The following TTBK1 variants were observed in gnomAD, a reference collection of about 807,000 sequenced individuals.
The protein encoded by TTBK1 is tau tubulin kinase 1, also known as tau-tubulin kinase 1.
TTBK1 carries 34 observed loss-of-function variants against 108.5 expected under a neutral mutation model. The ratio of observed to expected loss-of-function variants is 0.31; its 90% CI spans 0.24 to 0.42. The LOEUF is 0.42. TTBK1 is among the 10% of genes least tolerant of loss of function. TTBK1 has a pLI of 1.00. For missense variants in TTBK1, 1,539 were observed against 1,826.0 expected (o/e 0.84, Z 2.86); for synonymous variants, 809 against 795.1 (o/e 1.02, Z -0.29).
intron 1 of TTBK1, 149 bp from the exon 2 acceptor site, chr6:43,246,458 T>A (rs1042599821): frequency 1.4e-5 from 7 of 500,050 alleles, no homozygotes; most frequent in Admixed American, 3.7e-5. Flanking sequence ...GCACTGGCCT[T>A]TATACAATCT....
At chr6:43,244,312 C>A (rs1395279812) in intron 1 of TTBK1, among the ~76,000 whole-genome samples, 1 of 152,160 alleles carries the variant, frequency 6.6e-6, no homozygotes, top group African/African-American at 2.4e-5. Context: ...CAGATTCTCA[C>A]ACACACCTGC....
rs1777890933 is a variant in TTBK1, at chr6:43,273,679, ACAGGGGAACTCC to A, written c.1987-9045_1987-9034del. ...GTGGCAGGTTCAGGGACTGTGGTAA[ACAGGGGAACTCC>A]CATGCCCATACCATCCTCAGCTCAA... is the stretch of plus-strand genomic sequence containing the variant. On this transcript the variant is annotated intron_variant, in intron 13 of 14. Coordinates refer to ENST00000259750, the MANE Select transcript of TTBK1 (RefSeq NM_032538.3). The surrounding 1 kb of genome is among the most constrained non-coding windows in gnomAD (Gnocchi z 4.2). 6.6e-6 allele frequency among the ~76,000 whole-genome samples: 1 copy of A among 152,212 alleles called. No homozygotes were observed. Among genetic ancestry groups the A allele is most frequent in the South Asian group, 2.1e-4 (1 of 4,824 alleles).
At position 43,284,068 on chromosome 6, in the gene TTBK1, T is replaced by G. The variant is rs1483485042; in HGVS notation, c.3328T>G (p.Ser1110Ala). 1 of 1,539,160 alleles carries G rather than the reference T, an allele frequency of 6.5e-7. No individual in the cohort carries two copies. Among genetic ancestry groups the G allele is most frequent in the Non-Finnish European group, 8.8e-7 (1 of 1,141,828 alleles). ...GCTGTTGCGGCTGGCCTCAGGGGCC[T>G]CGTCCTCCTCCAGTGAGGAGCAGCG... ...RLLLRLASGA[S>A]SSSSEEQRRA... The change falls in exon 14 of 15, where the codon TCG becomes GCG. Residue 1110 changes from serine (S) to alanine (A), a missense_variant. Physicochemically the swap from Ser to Ala is moderately conservative, Grantham distance 99. Transcript: ENST00000259750.
At chr6:43,251,604 C>T (rs777263589) in intron 2 of TTBK1, among the ~76,000 whole-genome samples, 6 of 152,226 alleles carry the variant, frequency 3.9e-5, no homozygotes, top group Non-Finnish European at 5.9e-5. Flanking sequence ...GAGCCCCTCC[C>T]CAGAACTCAG....
chr6:43,255,767 C>T lies in TTBK1; in HGVS notation c.772C>T (p.Arg258Trp), dbSNP rs373096251. ...GATGATCAAGGAGAAGTATGAGCAC[C>T]GGATGCTGCTGAAGCACATGCCGTC... ...VGMIKEKYEH[R>W]MLLKHMPSEF... is the part of the protein sequence containing the mutation. Residue 258 changes from arginine (R) to tryptophan (W), a missense_variant, in exon 9 of 15, where the codon CGG (arginine) becomes TGG (tryptophan). This residue lies in a region of TTBK1 where 155 missense variants were observed against 348.5 expected (regional missense o/e 0.44). Transcript: ENST00000259750. 7.4e-6 allele frequency: 12 copies of T among 1,614,000 alleles called. No individual in the cohort carries two copies. Among genetic ancestry groups the T allele is most frequent in the Admixed American group, 3.3e-5 (2 of 59,998 alleles).
In TTBK1 at chr6:43,284,361, C is replaced by G. The variant is rs746272513; in HGVS notation, c.3572+49C>G. The G allele has an allele frequency of 1.1e-4, 157 of 1,433,998 alleles. No homozygotes were observed. The Admixed American group carries it at 1.7e-3, about 15-fold the overall frequency. The allele number at this position is 1,433,998 out of a possible 1,614,324, so 88.8% of individuals were successfully genotyped here. On this transcript the variant is annotated intron_variant, in intron 14 of 14. Coordinates refer to ENST00000259750, the MANE Select transcript of TTBK1 (RefSeq NM_032538.3). ...GGGTGGGCAGAGGGTGGCCACAGGCCTCCACCAGGAGGGGCTTCTCCAGAA... is the reference window on the plus strand; with the variant it reads ...GGGTGGGCAGAGGGTGGCCACAGGCGTCCACCAGGAGGGGCTTCTCCAGAA...
chr6:43,260,468 T>G (rs1262808877), intron 12 of TTBK1, among the ~76,000 whole-genome samples: 3 of 152,188 alleles, frequency 2.0e-5, no homozygotes, highest in African/African-American at 7.2e-5. Context: ...GACCCAGTCC[T>G]GGGGATAGGA....
At chr6:43,270,794 G>A (rs1380504705) in intron 13 of TTBK1, 2 of 985,330 alleles carry the variant, frequency 2.0e-6, no homozygotes, top group Admixed American at 6.2e-5. Flanking sequence ...TAGAAGCAGT[G>A]GCAGCTAAGG....
intron 12 of TTBK1, among the ~76,000 whole-genome samples, chr6:43,261,577 G>A (rs547939068): frequency 6.6e-6 from 1 of 152,232 alleles, no homozygotes; most frequent in Non-Finnish European, 1.5e-5. Flanking sequence ...CACTTTGGGA[G>A]GCCAAGGTGG....
chr6:43,283,285 G>C lies in TTBK1; in HGVS notation c.2545G>C (p.Val849Leu). ...TCCTGGCGACATGAAGAAGTCGCCC[G>C]TCACTGCCGAACTGGCCCCCGACCC... The part of the protein sequence containing the change: ...VSPGDMKKSP[V>L]TAELAPDPDL... The change falls in exon 14 of 15, where the codon GTC (valine) becomes CTC (leucine). Residue 849 changes from valine to leucine, a missense_variant. Around this residue, in one of 5 missense-constraint regions of TTBK1, gnomAD observed 1,055 missense variants for 1,086.5 expected, o/e 0.97. Coordinates refer to ENST00000259750, the MANE Select transcript of TTBK1 (RefSeq NM_032538.3). The surrounding 1 kb of genome is among the most constrained non-coding windows in gnomAD (Gnocchi z 8.1). The C allele has an allele frequency of 1.3e-6, 2 of 1,566,176 alleles. No individual in the cohort carries two copies. The highest frequency in any genetic ancestry group is 2.3e-5 in the South Asian group (2 of 85,482).
Position 43,285,501 on chromosome 6 carries a change from T to C in TTBK1, c.*125T>C. 1 of 1,189,782 alleles carries C rather than the reference T, an allele frequency of 8.4e-7. No individual in the cohort carries two copies. Among genetic ancestry groups the C allele is most frequent in the Non-Finnish European group, 1.0e-6 (1 of 953,494 alleles). The allele number at this position is 1,189,782 out of a possible 1,614,324, so 73.7% of individuals were successfully genotyped here. On this transcript the variant is annotated 3_prime_UTR_variant, in exon 15 of 15. Coordinates refer to ENST00000259750, the MANE Select transcript of TTBK1 (RefSeq NM_032538.3). The surrounding 1 kb of genome is among the most constrained non-coding windows in gnomAD (Gnocchi z 4.7). Reference sequence around the variant, plus strand: ...CGCGCGCCACCCGCGGCCCCAGCTTTCCGCCTGCACCCGCGAGGACGCGCG... The same window carrying C: ...CGCGCGCCACCCGCGGCCCCAGCTTCCCGCCTGCACCCGCGAGGACGCGCG...
At chr6:43,255,281 C>A (rs1777354408) in intron 7 of TTBK1, among the ~76,000 whole-genome samples, 167 bp downstream of exon 7, 1 of 151,976 alleles carries the variant, frequency 6.6e-6, no homozygotes, top group South Asian at 2.1e-4. Flanking sequence ...GACTCAGTGT[C>A]CCCTTCCTCA....
Position 43,259,272 on chromosome 6 carries a change from A to G in TTBK1, c.1248+3A>G, listed in dbSNP as rs1777463537. ...AACTCCGGATCAACATCGGCAAAGT[A>G]ACTGCCGCCAGGGCGAAGGGCGTGG... is the stretch of plus-strand genomic sequence containing the variant. On this transcript the variant is annotated splice_donor_region_variant and intron_variant, in intron 11 of 14. Transcript: ENST00000259750. This position sits in a 1 kb window ranked among gnomAD's most constrained non-coding sequence, Gnocchi z 6.7. 6.5e-7 allele frequency: 1 copy of G among 1,545,170 alleles called. No homozygotes were observed. Among genetic ancestry groups the G allele is most frequent in the Non-Finnish European group, 8.7e-7 (1 of 1,146,216 alleles).
At position 43,259,637 on chromosome 6, in the gene TTBK1, G is replaced by A. The variant is rs533945810; in HGVS notation, c.1355G>A (p.Arg452Gln). The A allele has an allele frequency of 4.2e-5, 68 of 1,609,944 alleles. No individual in the cohort carries two copies. The highest frequency in any genetic ancestry group is 5.6e-5 in the Non-Finnish European group (66 of 1,178,466). ...PTTPVRSLRY[R>Q]RVNSPESERL... ...ACCCCAGTCCGTTCTCTGCGCTACC[G>A]GAGGGTGAACAGCCCTGAGTCAGAA... The change falls in exon 12 of 15, where the codon CGG (arginine) becomes CAG (glutamine). Residue 452 changes from arginine (R) to glutamine (Q), a missense_variant. Coordinates refer to ENST00000259750, the MANE Select transcript of TTBK1 (RefSeq NM_032538.3). The surrounding 1 kb of genome is among the most constrained non-coding windows in gnomAD (Gnocchi z 6.7).
chr6:43,262,399 C>T (rs1777564420), intron 12 of TTBK1, among the ~76,000 whole-genome samples: 1 of 152,148 alleles, frequency 6.6e-6, no homozygotes. Flanking sequence ...GAAGCAGCCA[C>T]TGGCGGGTGT....
intron 2 of TTBK1, among the ~76,000 whole-genome samples, chr6:43,252,368 G>C (rs1233391681): frequency 1.3e-5 from 2 of 152,056 alleles, no homozygotes; most frequent in Non-Finnish European, 2.9e-5. Flanking sequence ...GCTCATGCCT[G>C]TAATCCCAGC....
rs1777769948 is a variant in TTBK1 at position 43,269,577 on chromosome 6, C to T, written c.1986+6227C>T. ...AGGGGCTGTGAGCGGTGGGTGGCCC[C>T]GGAGACGGAGCTGTCGAGTCTGTGC... On this transcript the variant is annotated intron_variant, in intron 13 of 14. Transcript: ENST00000259750. The surrounding 1 kb of genome is among the most constrained non-coding windows in gnomAD (Gnocchi z 4.8). 6.7e-7 allele frequency: 1 copy of T among 1,486,722 alleles called. No individual in the cohort carries two copies. Among genetic ancestry groups the T allele is most frequent in the African/African-American group, 1.4e-5 (1 of 70,398 alleles). 92.1% of individuals were successfully genotyped at this position (1,486,722 alleles called of 1,614,324 possible).
chr6:43,263,205 A>G lies in TTBK1; in HGVS notation c.1841A>G (p.Gln614Arg). The part of the protein sequence containing the change: ...AEEDLQHLPP[Q>R]PLPPQLSQGD... ...GAGGACCTGCAGCATTTGCCGCCCC[A>G]GCCCCTGCCACCCCAGCTGAGCCAG... Residue 614 changes from glutamine to arginine, a missense_variant, in exon 13 of 15, where the codon CAG (glutamine) becomes CGG (arginine). This residue lies in a region of TTBK1 where 1,055 missense variants were observed against 1,086.5 expected (regional missense o/e 0.97). Coordinates refer to ENST00000259750, the MANE Select transcript of TTBK1 (RefSeq NM_032538.3). This position sits in a 1 kb window ranked among gnomAD's most constrained non-coding sequence, Gnocchi z 4.7. The G allele has an allele frequency of 1.9e-6, 3 of 1,579,762 alleles. No individual in the cohort carries two copies. The highest frequency in any genetic ancestry group is 2.6e-6 in the Non-Finnish European group (3 of 1,162,676).
In TTBK1 at chr6:43,253,797, A is replaced by G. The variant is rs187976440; in HGVS notation, c.471+89A>G. On this transcript the variant is annotated intron_variant, in intron 5 of 14. Transcript: ENST00000259750. The surrounding 1 kb of genome is among the most constrained non-coding windows in gnomAD (Gnocchi z 5.8). ...TGGGTCTCCTGGTTTCTCCTCTGCA[A>G]CCATGGTTGGGACTTGTGATGGGAC... is the stretch of plus-strand genomic sequence containing the variant. 2.0e-4 allele frequency: 290 copies of G among 1,485,664 alleles called. No homozygotes were observed. The highest frequency in any genetic ancestry group is 1.8e-3 in the Middle Eastern group (10 of 5,638). The allele number at this position is 1,485,664 out of a possible 1,614,324, so 92.0% of individuals were successfully genotyped here.
Sources: gnomAD v4.1 joint callset for allele counts (sites outside exome capture counted in the v4.1 genomes callset) on GRCh38, gnomAD v4.1.1 for gene constraint, gnomAD v4.1.1 regional missense constraint, Gnocchi (gnomAD v3.1) non-coding constraint, MANE v1.5 for transcripts, NCBI Gene and HGNC (gene_info 2026-07-23, HGNC 2026-07-21) for gene names.